ALDH7A1: variants seen among roughly 807,000 people sequenced by gnomAD.
The protein encoded by ALDH7A1 is alpha-aminoadipic semialdehyde dehydrogenase.
A neutral mutation model predicts 79.9 loss-of-function variants in ALDH7A1; 63 were observed. That is an observed-to-expected ratio of 0.79 (90% CI 0.64 to 0.97). The LOEUF (loss-of-function observed/expected upper bound fraction) is 0.97, where lower values mean the gene tolerates loss of function less well. Ranked by LOEUF, ALDH7A1 falls within the 50% of genes least tolerant of loss-of-function variation. ALDH7A1 has a pLI of 0.00. For missense variants in ALDH7A1, 627 were observed against 665.2 expected (o/e 0.94, Z 0.63); for synonymous variants, 240 against 231.2 (o/e 1.04, Z -0.34).
chr5:126,546,465 A>G, intron 16 of ALDH7A1, 66 bp from the exon 17 acceptor site: 6 of 1,459,460 alleles, frequency 4.1e-6, no homozygotes, highest in Non-Finnish European at 3.8e-6. Context: ...AGTTGGTATC[A>G]ATGAAAAGAA....
At chr5:126,561,295 T>C in intron 9 of ALDH7A1, 171 bp from the exon 10 acceptor site, 1 of 440,948 alleles carries the variant, frequency 2.3e-6, no homozygotes, top group Non-Finnish European at 4.0e-6. Flanking sequence ...CAATTATTTT[T>C]CAACTTATTT....
rs1369339952 is a variant in ALDH7A1 at position 126,583,951 on chromosome 5, A to T, written c.374T>A (p.Ile125Asn). The change falls in exon 4 of 18, where the codon ATC becomes AAC. Residue 125 changes from isoleucine to asparagine, a missense_variant. Transcript: ENST00000409134. Reference protein sequence around the residue: ...RQIGDALREKIQVLGSLVSLE... With the variant: ...RQIGDALREKNQVLGSLVSLE... ...CTTTACCAAGCTTCCTAGTACTTGG[A>T]TCTTCTCCCGCAAGGCATCGCCAAT... The T allele has an allele frequency of 1.9e-6, 3 of 1,614,070 alleles. No homozygotes were observed. Among genetic ancestry groups the T allele is most frequent in the Non-Finnish European group, 1.7e-6 (2 of 1,179,938 alleles).
Position 126,584,928 on chromosome 5 carries a change from A to G in ALDH7A1, c.313-916T>C, listed in dbSNP as rs79094101. On this transcript the variant is annotated intron_variant, in intron 3 of 17. Coordinates refer to ENST00000409134, the MANE Select transcript of ALDH7A1 (RefSeq NM_001182.5). ...ATAAAGTTTGAGATGTGATTTATGAATGAGACACAATTTCTCCAACTGTGA... is the reference window on the plus strand; with the variant it reads ...ATAAAGTTTGAGATGTGATTTATGAGTGAGACACAATTTCTCCAACTGTGA... 5.0e-3 allele frequency among the ~76,000 whole-genome samples: 766 copies of G among 152,266 alleles called. 6 individuals carry two copies. The highest frequency in any genetic ancestry group is 0.018 in the African/African-American group (739 of 41,548).
At chr5:126,594,263 G>A in intron 1 of ALDH7A1, 1 of 471,014 alleles carries the variant, frequency 2.1e-6, no homozygotes, top group South Asian at 1.5e-5. Flanking sequence ...GTCCAAGCTT[G>A]CAAACTCCCA....
intron 6 of ALDH7A1, among the ~76,000 whole-genome samples, chr5:126,576,871 G>C (rs886552843): frequency 2.0e-5 from 3 of 152,152 alleles, no homozygotes; most frequent in African/African-American, 4.8e-5. Flanking sequence ...AGGTTGCAGT[G>C]AGCTGAGTTC....
intron 7 of ALDH7A1, among the ~76,000 whole-genome samples, chr5:126,574,142 G>C (rs919154784): frequency 1.3e-5 from 2 of 151,580 alleles, no homozygotes; most frequent in African/African-American, 4.9e-5. Context: ...AGTGGCTCAT[G>C]CCCATCCCAG....
intron 1 of ALDH7A1, among the ~76,000 whole-genome samples, chr5:126,594,617 A>AT (rs374907850): frequency 4.8e-4 from 72 of 150,702 alleles, no homozygotes; most frequent in Non-Finnish European, 8.4e-4. Context: ...GCTATTTTGT[A>AT]TTTTTTTTAG....
At chr5:126,593,724 T>C (rs1751639485) in intron 1 of ALDH7A1, 2 of 461,706 alleles carry the variant, frequency 4.3e-6, no homozygotes, top group Non-Finnish European at 7.9e-6. Context: ...GTTTTAGTTA[T>C]TTCTTCTCTT....
chr5:126,563,593 T>C (rs548891319), intron 9 of ALDH7A1, among the ~76,000 whole-genome samples: 6 of 152,082 alleles, frequency 3.9e-5, no homozygotes, highest in Admixed American at 1.3e-4. Flanking sequence ...TGGGTTCAAG[T>C]GATTCTCCTG....
intron 2 of ALDH7A1, 86 bp downstream of exon 2, chr5:126,593,265 C>A: frequency 6.4e-7 from 1 of 1,573,908 alleles, no homozygotes. Flanking sequence ...GCTTCTGCCT[C>A]TAAAGAAAGC....
chr5:126,592,899 C>T (rs1240857381), intron 2 of ALDH7A1, among the ~76,000 whole-genome samples, 170 bp from the exon 3 acceptor site: 2 of 152,154 alleles, frequency 1.3e-5, no homozygotes, highest in African/African-American at 4.8e-5. Flanking sequence ...AGCTAGAACC[C>T]GGTAAAACAG....
chr5:126,592,751 C>A, intron 2 of ALDH7A1, 22 bp from the exon 3 acceptor site: 3 of 1,601,500 alleles, frequency 1.9e-6, no homozygotes, highest in Non-Finnish European at 2.6e-6. Flanking sequence ...ATTAGGGGGA[C>A]AGAAAGGGGG....
chr5:126,546,235 C>T, intron 17 of ALDH7A1, 89 bp downstream of exon 17: 1 of 1,195,558 alleles, frequency 8.4e-7, no homozygotes, highest in Non-Finnish European at 1.3e-6. Flanking sequence ...AATGACACTG[C>T]ACAAAGACAG....
intron 9 of ALDH7A1, chr5:126,561,475 A>C: frequency 6.6e-6 from 1 of 151,454 alleles, no homozygotes; most frequent in Non-Finnish European, 1.3e-5. Flanking sequence ...AATAATATGC[A>C]CCCACAGAGT....
rs1219184326 is a variant in ALDH7A1 at position 126,584,071 on chromosome 5, C to T, written c.313-59G>A. 4.2e-5 allele frequency: 58 copies of T among 1,365,010 alleles called. No individual in the cohort carries two copies. The East Asian group carries it at 1.3e-3, about 30-fold the overall frequency. The allele number at this position is 1,365,010 out of a possible 1,614,324, so 84.6% of individuals were successfully genotyped here. On this transcript the variant is annotated intron_variant, in intron 3 of 17. Coordinates refer to ENST00000409134, the MANE Select transcript of ALDH7A1 (RefSeq NM_001182.5). Reference sequence around the variant, plus strand: ...AAAGCATAAATTCATGTTTATAACACAGTATTGGATGTGTGCTGTAAAAGA... The same window carrying T: ...AAAGCATAAATTCATGTTTATAACATAGTATTGGATGTGTGCTGTAAAAGA...
chr5:126,589,939 G>C (rs1751490288), intron 3 of ALDH7A1, among the ~76,000 whole-genome samples: 1 of 145,480 alleles, frequency 6.9e-6, no homozygotes, highest in African/African-American at 2.6e-5. Flanking sequence ...TGGGAAGCGA[G>C]GAGTGCCTCT....
At chr5:126,579,488 G>C (rs988032679) in intron 5 of ALDH7A1, among the ~76,000 whole-genome samples, 21 of 152,058 alleles carry the variant, frequency 1.4e-4, no homozygotes, top group African/African-American at 4.8e-4. Context: ...CCCACTCTAA[G>C]GTATAATTTA....
Position 126,568,151 on chromosome 5 carries a change from G to C in ALDH7A1, c.871+108C>G, listed in dbSNP as rs546385724. On this transcript the variant is annotated intron_variant, in intron 9 of 17. Transcript: ENST00000409134. ...TTTACTTAGACATTCAAATAAACAT[G>C]ACCACTGCCTCCATGGAAAAGGTTG... 4 of 1,002,352 alleles carry C rather than the reference G, an allele frequency of 4.0e-6. No individual in the cohort carries two copies. The South Asian group carries it at 5.2e-5, about 13-fold the overall frequency. The allele number at this position is 1,002,352 out of a possible 1,614,324, so 62.1% of individuals were successfully genotyped here. A position where few individuals can be genotyped will look rare whatever the true frequency, so the allele number is the denominator to read the frequency against.
chr5:126,564,552 C>A (rs747270797), intron 9 of ALDH7A1: 98 of 1,248,262 alleles, frequency 7.9e-5, no homozygotes, highest in Non-Finnish European at 8.9e-5. Flanking sequence ...ATATCAGGAG[C>A]ATATGTGACA....
Sources: gnomAD v4.1 joint callset for allele counts (sites outside exome capture counted in the v4.1 genomes callset) on GRCh38, gnomAD v4.1.1 for gene constraint, MANE v1.5 for transcripts, NCBI Gene and HGNC (gene_info 2026-07-23, HGNC 2026-07-21) for gene names.